Variants in BMP6 observed in about 807,000 individuals in gnomAD.
BMP6 encodes VG-1-R.
A neutral mutation model predicts 54.1 loss-of-function variants in BMP6; 17 were observed. The observed-to-expected ratio is 0.31, with a 90% CI of 0.22 to 0.47. The LOEUF is 0.47. Among genes scored for constraint, BMP6 ranks in the 20% least tolerant of loss-of-function variants. The pLI is 1.00. For missense variants in BMP6, 720 were observed against 690.4 expected, an observed-to-expected ratio of 1.04 and a Z score of -0.48; for synonymous variants, 328 against 291.2, an observed-to-expected ratio of 1.13 and a Z score of -1.28.
At chr6:7,727,768 C>A (rs536472772) in intron 1 of BMP6, 149 bp downstream of exon 1, 5 of 1,008,164 alleles carry the variant, frequency 5.0e-6, no homozygotes, top group Non-Finnish European at 5.3e-6. Flanking sequence ...GGCTGTGCTC[C>A]CGCCACCTGC....
intron 1 of BMP6, among the ~76,000 whole-genome samples, chr6:7,742,085 A>G (rs1414795559): frequency 6.6e-6 from 1 of 152,168 alleles, no homozygotes; most frequent in Non-Finnish European, 1.5e-5. Flanking sequence ...AGAATTACAA[A>G]CTGTGAAGCA....
chr6:7,833,054 C>CAT (rs1304337265), intron 1 of BMP6, among the ~76,000 whole-genome samples: 2 of 151,870 alleles, frequency 1.3e-5, no homozygotes, highest in African/African-American at 4.8e-5. Context: ...AGTGGATGGA[C>CAT]ATGGGGCAAA....
chr6:7,870,791 C>CG (rs1759511989), intron 4 of BMP6, among the ~76,000 whole-genome samples: 1 of 152,236 alleles, frequency 6.6e-6, no homozygotes, highest in Non-Finnish European at 1.5e-5. Context: ...TCATGCCCCT[C>CG]TAATTTTTTG....
Position 7,865,782 on chromosome 6 carries a change from C to A in BMP6, c.1204+3284C>A, listed in dbSNP as rs916511848. Among the ~76,000 whole-genome samples the A allele has an allele frequency of 2.6e-5, 4 of 152,306 alleles. No homozygotes were observed. In the South Asian group the frequency reaches 8.3e-4, roughly 32 times the overall value. On this transcript the variant is annotated intron_variant, in intron 4 of 6. Coordinates refer to ENST00000283147, the MANE Select transcript of BMP6 (RefSeq NM_001718.6). ...GGAAAAGATTGCATTGTCTCTGCTG[C>A]CCCCTTCTTCCATGGCGTGCTCCCA...
intron 1 of BMP6, among the ~76,000 whole-genome samples, chr6:7,733,147 C>G (rs1761897242): frequency 6.6e-6 from 1 of 152,156 alleles, no homozygotes; most frequent in Non-Finnish European, 1.5e-5. Context: ...ATCAAGTGAT[C>G]TGCCTGCCTT....
At chr6:7,859,192 C>T (rs115940959) in intron 2 of BMP6, among the ~76,000 whole-genome samples, 2,174 of 152,176 alleles carry the variant, frequency 0.014, 47 homozygotes, top group African/African-American at 0.05. Context: ...TTTCCTCCTC[C>T]TCCTTGGATG....
At chr6:7,853,669 T>C (rs1258947592) in intron 2 of BMP6, among the ~76,000 whole-genome samples, 1 of 152,212 alleles carries the variant, frequency 6.6e-6, no homozygotes, top group Non-Finnish European at 1.5e-5. Context: ...TCTCTTTCTG[T>C]GTCTGGCTTT....
chr6:7,760,437 C>T (rs553561816), intron 1 of BMP6, among the ~76,000 whole-genome samples: 1 of 152,080 alleles, frequency 6.6e-6, no homozygotes, highest in African/African-American at 2.4e-5. Flanking sequence ...AGTAGTTTAG[C>T]TCTCTTGGAC....
chr6:7,845,467 T>G, intron 2 of BMP6, 135 bp downstream of exon 2: 4 of 697,878 alleles, frequency 5.7e-6, no homozygotes, highest in Non-Finnish European at 8.7e-6. Context: ...ATGAGGTGGG[T>G]GTTGTAAATG....
At position 7,726,318 on chromosome 6, in the gene BMP6, G is replaced by A. The variant is rs1761720407; in HGVS notation, c.-638G>A. Among the ~76,000 whole-genome samples, 1 of 152,220 alleles carries A rather than the reference G, an allele frequency of 6.6e-6. No individual in the cohort carries two copies. The highest frequency in any genetic ancestry group is 2.4e-5 in the African/African-American group (1 of 41,464). On this transcript the variant is annotated 5_prime_UTR_variant, in exon 1 of 7. Transcript: ENST00000283147. ...TGCGGCGCGCGGAGATTTTGAGTGG[G>A]AGCGACGGTGCCCGAGAGCTCAGGG... is the stretch of plus-strand genomic sequence containing the variant.
At chr6:7,761,232 A>G (rs1462122654) in intron 1 of BMP6, among the ~76,000 whole-genome samples, 2 of 152,198 alleles carry the variant, frequency 1.3e-5, no homozygotes, top group African/African-American at 4.8e-5. Flanking sequence ...TGTTACCAAA[A>G]TGTTTGTGAA....
chr6:7,845,230 C>T lies in BMP6; in HGVS notation c.755C>T (p.Thr252Met), dbSNP rs555458296. Residue 252 changes from threonine (T) to methionine (M), a missense_variant, in exon 2 of 7, where the codon ACG becomes ATG. Physicochemically the swap from Thr to Met is moderately conservative, Grantham distance 81. Around this residue, in one of 3 missense-constraint regions of BMP6, gnomAD observed 650 missense variants for 556.3 expected, o/e 1.17. Transcript: ENST00000283147. ...CAGATTCCTGAGGGTGAGGTGGTGA[C>T]GGCTGCAGAATTCCGCATCTACAAG... ...LSQIPEGEVV[T>M]AAEFRIYKDC... is the part of the protein sequence containing the mutation. The T allele has an allele frequency of 6.1e-5, 98 of 1,614,038 alleles. 1 individual carries two copies. The South Asian group carries it at 7.2e-4, about 12-fold the overall frequency.
At chr6:7,861,651 C>T (rs779931500) in intron 3 of BMP6, 52 bp downstream of exon 3, 3 of 1,604,452 alleles carry the variant, frequency 1.9e-6, no homozygotes, top group Non-Finnish European at 1.7e-6. Context: ...CAGTTTCACA[C>T]ATTTCCCTTA....
intron 1 of BMP6, among the ~76,000 whole-genome samples, chr6:7,793,953 A>G (rs55996719): frequency 0.012 from 1,829 of 152,266 alleles, 16 homozygotes; most frequent in Non-Finnish European, 0.018. Context: ...TGCTGCTTTC[A>G]TACTGCATGG....
intron 1 of BMP6, among the ~76,000 whole-genome samples, chr6:7,811,400 T>A (rs1333034400): frequency 1.3e-5 from 2 of 152,120 alleles, no homozygotes; most frequent in Non-Finnish European, 2.9e-5. Flanking sequence ...TGGGAGACTA[T>A]CTAGAAGGAA....
chr6:7,730,158 C>G (rs1398896881), intron 1 of BMP6, among the ~76,000 whole-genome samples: 4 of 152,194 alleles, frequency 2.6e-5, no homozygotes, highest in African/African-American at 9.7e-5. Flanking sequence ...TCCCCTTATT[C>G]CTTGCTTCTC....
chr6:7,839,501 C>T (rs1213236307), intron 1 of BMP6, among the ~76,000 whole-genome samples: 1 of 152,232 alleles, frequency 6.6e-6, no homozygotes, highest in Non-Finnish European at 1.5e-5. Flanking sequence ...GTATACCATT[C>T]TCCTTTCTAT....
chr6:7,799,405 G>A (rs1044571012), intron 1 of BMP6, among the ~76,000 whole-genome samples: 33 of 152,318 alleles, frequency 2.2e-4, no homozygotes, highest in Middle Eastern at 3.4e-3. Context: ...ATTCAGGGAA[G>A]TCCTGTTCAG....
intron 1 of BMP6, among the ~76,000 whole-genome samples, chr6:7,795,017 A>G (rs1382834653): frequency 2.2e-5 from 3 of 136,020 alleles, no homozygotes; most frequent in Non-Finnish European, 5.0e-5. Context: ...CCTTGACAGG[A>G]AACATTTATG....
Sources: gnomAD v4.1 joint callset for allele counts (sites outside exome capture counted in the v4.1 genomes callset) on GRCh38, gnomAD v4.1.1 for gene constraint, gnomAD v4.1.1 regional missense constraint, MANE v1.5 for transcripts, NCBI Gene and HGNC (gene_info 2026-07-23, HGNC 2026-07-21) for gene names.